ZNF280C: variants seen among roughly 807,000 people sequenced by gnomAD.
ZNF280C encodes the protein suppressor of hairy wing homolog 3.
A neutral mutation model predicts 53.6 loss-of-function variants in ZNF280C; 14 were observed. The ratio of observed to expected loss-of-function variants is 0.26; its 90% CI spans 0.17 to 0.41. ZNF280C has a LOEUF of 0.41. ZNF280C is among the 10% of genes least tolerant of loss of function. The probability of loss-of-function intolerance (pLI) is 1.00; values close to 1 mark genes in which losing one functional copy is unlikely to be tolerated. For synonymous variants in ZNF280C, 203 were observed against 181.1 expected, an observed-to-expected ratio of 1.12 and a Z score of -0.97; for missense variants, 416 against 547.1, an observed-to-expected ratio of 0.76 and a Z score of 2.39.
At chrX:130,232,130 C>G (rs2032284013) in intron 8 of ZNF280C, among the ~76,000 whole-genome samples, 2 of 106,709 alleles carry the variant, frequency 1.9e-5, no homozygotes, top group Non-Finnish European at 3.8e-5. Flanking sequence ...TGGAACTAGA[C>G]TTTGAGCACA....
chrX:130,265,606 G>A (rs1294152117), intron 1 of ZNF280C, among the ~76,000 whole-genome samples: 1 of 111,809 alleles, frequency 8.9e-6, no homozygotes, highest in Non-Finnish European at 1.9e-5. Flanking sequence ...TGCATTGATG[G>A]GAACACTGGA....
At chrX:130,226,672 G>A in intron 12 of ZNF280C, 87 bp downstream of exon 12, 1 of 943,746 alleles carries the variant, frequency 1.1e-6, no homozygotes, top group Non-Finnish European at 1.4e-6. Context: ...GTTATAGATA[G>A]ATATAGATGT....
At chrX:130,221,357 C>T (rs2032161840) in intron 12 of ZNF280C, among the ~76,000 whole-genome samples, 2 of 111,247 alleles carry the variant, frequency 1.8e-5, no homozygotes, top group African/African-American at 6.5e-5. Flanking sequence ...GAGTACAGTT[C>T]CCACAATTTT....
At chrX:130,236,895 T>A (rs1359280154) in intron 6 of ZNF280C, among the ~76,000 whole-genome samples, 1 of 110,836 alleles carries the variant, frequency 9.0e-6, no homozygotes, top group East Asian at 2.8e-4. Context: ...CAAAATAAAC[T>A]TTATATACCC....
chrX:130,236,206 A>G lies in ZNF280C; in HGVS notation c.771+8T>C. The G allele has an allele frequency of 8.6e-7, 1 of 1,156,491 alleles. No homozygotes were observed. The highest frequency in any genetic ancestry group is 1.8e-5 in the African/African-American group (1 of 56,345). ...TTTTTAACAATTGAACTTTGAAAAAAGTTTTACCTTCATGTGGTATTTCAA... is the reference window on the plus strand; with the variant it reads ...TTTTTAACAATTGAACTTTGAAAAAGGTTTTACCTTCATGTGGTATTTCAA... On this transcript the variant is annotated splice_region_variant and intron_variant, in intron 8 of 18. Coordinates refer to ENST00000370978, the MANE Select transcript of ZNF280C (RefSeq NM_017666.5).
chrX:130,215,900 T>C lies in ZNF280C; in HGVS notation c.1729A>G (p.Thr577Ala). Residue 577 changes from threonine to alanine, a missense_variant, in exon 14 of 19, where the codon ACA (threonine) becomes GCA (alanine). Physicochemically the swap from Thr to Ala is moderately conservative, Grantham distance 58 (BLOSUM62 0). Coordinates refer to ENST00000370978, the MANE Select transcript of ZNF280C (RefSeq NM_017666.5). ...GCTATACGTCCCCTTGGCTTACTTG[T>C]ATTAACTTTACTTGCAGTGGATGTA... ...ATTSTASKVNTSKPRGRIAKS... is the reference protein window; with the variant it reads ...ATTSTASKVNASKPRGRIAKS... 1.7e-6 allele frequency: 2 copies of C among 1,211,762 alleles called. No homozygotes were observed. The highest frequency in any genetic ancestry group is 2.2e-6 in the Non-Finnish European group (2 of 895,391).
At chrX:130,244,127 CTT>C (rs2032423466) in intron 3 of ZNF280C, among the ~76,000 whole-genome samples, 2 of 111,840 alleles carry the variant, frequency 1.8e-5, no homozygotes, top group South Asian at 3.7e-4. Flanking sequence ...TACCATTACT[CTT>C]GAGTTCTGAA....
chrX:130,236,696 G>T lies in ZNF280C; in HGVS notation c.494-57C>A, dbSNP rs1019568349. On this transcript the variant is annotated intron_variant, in intron 6 of 18. Transcript: ENST00000370978. ...TGTAAATATTTCAGTATGGAATATT[G>T]CTTATGTAAAACTGCTACCAAAATG... 4.6e-6 allele frequency: 4 copies of T among 863,680 alleles called. No homozygotes were observed. In the African/African-American group the frequency reaches 8.3e-5, roughly 18 times the overall value. The allele number at this position is 863,680 out of a possible 1,213,427, so 71.2% of individuals were successfully genotyped here. A position where few individuals can be genotyped will look rare whatever the true frequency, so the allele number is the denominator to read the frequency against.
In ZNF280C at chrX:130,230,602, A is replaced by G; in HGVS notation, c.897T>C (p.Tyr299=). 4 of 1,209,294 alleles carry G rather than the reference A, an allele frequency of 3.3e-6. No individual in the cohort carries two copies. The highest frequency in any genetic ancestry group is 4.5e-6 in the Non-Finnish European group (4 of 893,316). The change falls in exon 9 of 19, where the codon TAT becomes TAC. Residue 299 remains tyrosine, a synonymous_variant. Coordinates refer to ENST00000370978, the MANE Select transcript of ZNF280C (RefSeq NM_017666.5). ...TCTCAGTGACTCCTTCATGCCTTCCATAATAAAACTCATTGACTAACATGA... is the reference window on the plus strand; with the variant it reads ...TCTCAGTGACTCCTTCATGCCTTCCGTAATAAAACTCATTGACTAACATGA... The part of the protein sequence containing the change: ...KLIMLVNEFY[Y]GRHEGVTEKE...
chrX:130,223,881 CTTATAATA>C (rs2032194466), intron 12 of ZNF280C, among the ~76,000 whole-genome samples: 1 of 111,830 alleles, frequency 8.9e-6, no homozygotes, highest in Non-Finnish European at 1.9e-5. Context: ...AAATTATAAG[CTTATAATA>C]TTGGTCAGCT....
intron 15 of ZNF280C, 48 bp from the exon 16 acceptor site, chrX:130,209,763 C>T (rs770470759): frequency 9.9e-7 from 1 of 1,009,346 alleles, no homozygotes. Context: ...TATTATACAA[C>T]ACCATATTAA....
intron 15 of ZNF280C, among the ~76,000 whole-genome samples, chrX:130,211,017 G>C (rs779644990): frequency 1.6e-4 from 18 of 112,296 alleles, no homozygotes; most frequent in African/African-American, 5.8e-4. Context: ...AGAAGCACTA[G>C]CCCTATCTTG....
At chrX:130,247,322 G>A (rs2032461026) in intron 2 of ZNF280C, among the ~76,000 whole-genome samples, 4 of 110,910 alleles carry the variant, frequency 3.6e-5, no homozygotes. Flanking sequence ...TGACCAGGCT[G>A]GTCTCGAACT....
chrX:130,221,344 G>A lies in ZNF280C; in HGVS notation c.1396-864C>T, dbSNP rs188301741. The stretch of plus-strand genomic sequence containing the variant: ...TTAAGATGATGGATAGAATGTTCCC[G>A]CAGAGTACAGTTCCCACAATTTTTT... On this transcript the variant is annotated intron_variant, in intron 12 of 18. Coordinates refer to ENST00000370978, the MANE Select transcript of ZNF280C (RefSeq NM_017666.5). 1.4e-3 allele frequency among the ~76,000 whole-genome samples: 157 copies of A among 111,351 alleles called. 1 individual carries two copies. Among genetic ancestry groups the A allele is most frequent in the South Asian group, 0.014 (36 of 2,636 alleles).
chrX:130,228,847 T>C, intron 10 of ZNF280C, 130 bp downstream of exon 10: 5 of 627,392 alleles, frequency 8.0e-6, no homozygotes, highest in Non-Finnish European at 1.2e-5. Context: ...TTATGATTTT[T>C]TTTTTCAATT....
chrX:130,216,520 C>T (rs2032105864), intron 13 of ZNF280C, among the ~76,000 whole-genome samples: 1 of 111,898 alleles, frequency 8.9e-6, no homozygotes, highest in African/African-American at 3.3e-5. Context: ...CCAATAAGCA[C>T]ACAAAGAGAT....
intron 3 of ZNF280C, 56 bp from the exon 4 acceptor site, chrX:130,243,921 G>A: frequency 1.3e-6 from 1 of 793,374 alleles, no homozygotes. Flanking sequence ...TATACTAATA[G>A]AAAAATTCCT....
intron 8 of ZNF280C, among the ~76,000 whole-genome samples, chrX:130,232,310 G>A (rs1252657965): frequency 2.0e-5 from 2 of 100,452 alleles, no homozygotes; most frequent in African/African-American, 7.6e-5. Context: ...GATCCTAATT[G>A]GAATACTTTC....
intron 3 of ZNF280C, 147 bp downstream of exon 3, chrX:130,246,712 T>A: frequency 1.5e-6 from 1 of 667,162 alleles, no homozygotes; most frequent in Non-Finnish European, 2.2e-6. Context: ...CCGCTTTGAT[T>A]CTCACAAGTT....
Sources: gnomAD v4.1 joint callset for allele counts (sites outside exome capture counted in the v4.1 genomes callset) on GRCh38, gnomAD v4.1.1 for gene constraint, MANE v1.5 for transcripts, NCBI Gene and HGNC (gene_info 2026-07-23, HGNC 2026-07-21) for gene names.